Variants in SPECC1 observed in about 807,000 individuals in gnomAD.
SPECC1 encodes sperm antigen with calponin homology and coiled-coil domains 1.
A neutral mutation model predicts 104.1 loss-of-function variants in SPECC1; 62 were observed. The ratio of observed to expected loss-of-function variants is 0.60; its 90% CI spans 0.49 to 0.74. The LOEUF is 0.74. SPECC1 is among the 30% of genes least tolerant of loss of function. SPECC1 has a pLI of 0.00. For synonymous variants in SPECC1, 513 were observed against 501.6 expected (o/e 1.02, Z -0.30); for missense variants, 1,306 against 1,310.5 (o/e 1.00, Z 0.05).
At chr17:20,180,953 T>C (rs1412503384) in intron 3 of SPECC1, among the ~76,000 whole-genome samples, 5 of 152,144 alleles carry the variant, frequency 3.3e-5, no homozygotes, top group Non-Finnish European at 5.9e-5. Flanking sequence ...AAAATTTTGA[T>C]TTTTGTATGC....
chr17:20,249,199 C>A (rs1034818757), intron 9 of SPECC1, among the ~76,000 whole-genome samples: 1 of 152,128 alleles, frequency 6.6e-6, no homozygotes, highest in South Asian at 2.1e-4. Flanking sequence ...GCAGGCAGAT[C>A]ACGAGGTCAG....
chr17:20,278,712 TC>T (rs2040657226), intron 12 of SPECC1, among the ~76,000 whole-genome samples: 3 of 150,864 alleles, frequency 2.0e-5, no homozygotes, highest in African/African-American at 7.3e-5. Flanking sequence ...TCTCTCTCTC[TC>T]TCTCTCTTTT....
Position 20,138,334 on chromosome 17 carries a change from A to G in SPECC1, c.283+27772A>G, listed in dbSNP as rs2030287609. Among the ~76,000 whole-genome samples the G allele has an allele frequency of 2.6e-5, 4 of 152,118 alleles. No individual in the cohort carries two copies. In the South Asian group the frequency reaches 8.3e-4, roughly 32 times the overall value. On this transcript the variant is annotated intron_variant, in intron 3 of 14. Transcript: ENST00000395527. ...ACATGTACAGCCTCTCCCATTATCAACATCCCCCACCAGCGTGGTACATTG... is the reference window on the plus strand; with the variant it reads ...ACATGTACAGCCTCTCCCATTATCAGCATCCCCCACCAGCGTGGTACATTG...
intron 1 of SPECC1, among the ~76,000 whole-genome samples, chr17:20,043,211 A>G (rs2152455189): frequency 6.6e-6 from 1 of 152,234 alleles, no homozygotes; most frequent in East Asian, 1.9e-4. Context: ...CTCCCACATC[A>G]CAAGGAGGCA....
intron 7 of SPECC1, among the ~76,000 whole-genome samples, chr17:20,242,717 G>C (rs1044858461): frequency 2.0e-5 from 3 of 152,194 alleles, no homozygotes; most frequent in African/African-American, 7.2e-5. Context: ...TGCGTGGCCA[G>C]AGCTGGATTT....
chr17:20,238,149 G>GT, intron 7 of SPECC1: 1 of 1,031,260 alleles, frequency 9.7e-7, no homozygotes, highest in Non-Finnish European at 1.2e-6. Context: ...ATCTTGTTGG[G>GT]TTAAACATAA....
intron 12 of SPECC1, among the ~76,000 whole-genome samples, chr17:20,280,257 C>T (rs752941306): frequency 3.9e-5 from 6 of 152,156 alleles, no homozygotes; most frequent in Non-Finnish European, 5.9e-5. Flanking sequence ...ATATTTACCA[C>T]GTGACCGACA....
At chr17:20,299,065 A>C (rs2041473292) in intron 13 of SPECC1, among the ~76,000 whole-genome samples, 1 of 151,684 alleles carries the variant, frequency 6.6e-6, no homozygotes, top group South Asian at 2.1e-4. Flanking sequence ...CAAGTCCAGC[A>C]TCTGCAGGGT....
chr17:20,281,739 A>C (rs2040778220), intron 12 of SPECC1, among the ~76,000 whole-genome samples: 1 of 152,218 alleles, frequency 6.6e-6, no homozygotes, highest in Non-Finnish European at 1.5e-5. Flanking sequence ...GACCTTTTTT[A>C]GAAGCAGCAA....
chr17:20,023,351 C>T (rs2044469230), intron 1 of SPECC1, among the ~76,000 whole-genome samples: 1 of 152,068 alleles, frequency 6.6e-6, no homozygotes, highest in Admixed American at 6.6e-5. Flanking sequence ...TAACATTTTG[C>T]TAATGAATAC....
chr17:20,211,482 A>G (rs796078252), intron 4 of SPECC1, among the ~76,000 whole-genome samples: 3 of 152,348 alleles, frequency 2.0e-5, no homozygotes, highest in African/African-American at 7.2e-5. Flanking sequence ...GGCCTGGGGA[A>G]AATTGCCACA....
At chr17:20,223,590 T>C (rs892244808) in intron 4 of SPECC1, among the ~76,000 whole-genome samples, 33 of 151,980 alleles carry the variant, frequency 2.2e-4, no homozygotes, top group African/African-American at 8.0e-4. Context: ...GGAGAATCGC[T>C]TGAACCTGGG....
At chr17:20,024,943 T>C (rs2044542008) in intron 1 of SPECC1, among the ~76,000 whole-genome samples, 1 of 152,230 alleles carries the variant, frequency 6.6e-6, no homozygotes, top group Non-Finnish European at 1.5e-5. Flanking sequence ...TTGAATTCTA[T>C]TTTTCTTATT....
intron 3 of SPECC1, among the ~76,000 whole-genome samples, chr17:20,115,255 A>C (rs1249717347): frequency 2.6e-5 from 4 of 152,326 alleles, no homozygotes; most frequent in South Asian, 2.1e-4. Flanking sequence ...TGGGTGGATC[A>C]TGAGGTCAGG....
intron 12 of SPECC1, among the ~76,000 whole-genome samples, chr17:20,283,453 GT>G (rs2040842177): frequency 6.6e-6 from 1 of 152,136 alleles, no homozygotes; most frequent in Non-Finnish European, 1.5e-5. Flanking sequence ...ATTTTTGCCA[GT>G]TTGATGAGTG....
chr17:20,038,012 A>G (rs936824064), intron 1 of SPECC1, among the ~76,000 whole-genome samples: 29 of 152,144 alleles, frequency 1.9e-4, no homozygotes, highest in Non-Finnish European at 3.5e-4. Context: ...TTTTTCAGTA[A>G]TTAGTCCATT....
intron 12 of SPECC1, 126 bp from the exon 13 acceptor site, chr17:20,296,835 A>G: frequency 2.5e-6 from 2 of 811,544 alleles, no homozygotes; most frequent in Non-Finnish European, 4.1e-6. Context: ...TTATTGGTGT[A>G]TAGGAATGCT....
intron 3 of SPECC1, among the ~76,000 whole-genome samples, chr17:20,200,804 T>C (rs2036376554): frequency 1.3e-5 from 2 of 151,858 alleles, no homozygotes; most frequent in African/African-American, 4.8e-5. Flanking sequence ...TTAGCAACTC[T>C]GAACCTAACC....
At chr17:20,165,523 T>C (rs949356434) in intron 3 of SPECC1, among the ~76,000 whole-genome samples, 4 of 152,224 alleles carry the variant, frequency 2.6e-5, no homozygotes, top group African/African-American at 9.7e-5. Flanking sequence ...AACATACAGG[T>C]ACATGTATCT....
Sources: allele counts gnomAD v4.1 joint callset (sites outside exome capture counted in the v4.1 genomes callset), GRCh38; gene constraint gnomAD v4.1.1; transcripts MANE v1.5; gene names NCBI Gene and HGNC (gene_info 2026-07-23, HGNC 2026-07-21).